The following EFHC1 variants were observed in gnomAD, a reference collection of about 807,000 sequenced individuals.
EFHC1 encodes EF-hand domain containing 1.
EFHC1 carries 53 observed loss-of-function variants against 69.9 expected under a neutral mutation model. That is an observed-to-expected ratio of 0.76 (90% CI 0.61 to 0.95). The LOEUF is 0.95. Among genes scored for constraint, EFHC1 ranks in the 40% least tolerant of loss-of-function variants. The probability of loss-of-function intolerance (pLI) is 0.00; values close to 1 mark genes in which losing one functional copy is unlikely to be tolerated. For missense variants in EFHC1, 739 were observed against 798.7 expected, an observed-to-expected ratio of 0.93 and a Z score of 0.90; for synonymous variants, 256 against 278.4, an observed-to-expected ratio of 0.92 and a Z score of 0.80.
intron 2 of EFHC1, among the ~76,000 whole-genome samples, chr6:52,435,864 G>C (rs954583838): frequency 3.9e-5 from 6 of 152,310 alleles, no homozygotes; most frequent in African/African-American, 1.2e-4. Context: ...AGTCCACACA[G>C]ATTCCTTCTT....
intron 9 of EFHC1, 146 bp downstream of exon 9, chr6:52,479,933 C>A: frequency 8.0e-7 from 1 of 1,254,374 alleles, no homozygotes; most frequent in Non-Finnish European, 1.1e-6. Flanking sequence ...TTCCCTGTGT[C>A]AATGTAATAG....
intron 9 of EFHC1, chr6:52,486,992 T>C (rs915876627): frequency 2.6e-5 from 4 of 152,258 alleles, no homozygotes; most frequent in Admixed American, 2.6e-4. Context: ...GAGCTCATAA[T>C]CTAGAGCAAG....
chr6:52,479,458 G>A (rs1462643531), intron 8 of EFHC1, among the ~76,000 whole-genome samples, 182 bp from the exon 9 acceptor site: 3 of 152,142 alleles, frequency 2.0e-5, no homozygotes, highest in Admixed American at 1.3e-4. Flanking sequence ...TACAGATGTC[G>A]ACAATAAGTT....
chr6:52,454,151 G>A lies in EFHC1; in HGVS notation c.780G>A (p.Arg260=). Residue 260 remains arginine, a synonymous_variant, in exon 5 of 11, where the codon CGG becomes CGA. Coordinates refer to ENST00000371068, the MANE Select transcript of EFHC1 (RefSeq NM_018100.4). ...CAGACAGCATGTATGGTGAATGTCG[G>A]ACCTACATCATTCATTACTATCTTA... The part of the protein sequence containing the change: ...DDTDSMYGEC[R]TYIIHYYLMD... 6.2e-7 allele frequency: 1 copy of A among 1,614,020 alleles called. No homozygotes were observed. Among genetic ancestry groups the A allele is most frequent in the Non-Finnish European group, 8.5e-7 (1 of 1,179,988 alleles).
intron 2 of EFHC1, among the ~76,000 whole-genome samples, chr6:52,427,662 A>G (rs949340019): frequency 8.6e-5 from 13 of 151,424 alleles, no homozygotes; most frequent in Non-Finnish European, 1.5e-4. Context: ...AAGGACTTAT[A>G]TAGTTTATTA....
Position 52,438,306 on chromosome 6 carries a change from A to G in EFHC1, c.288A>G (p.Val96=), listed in dbSNP as rs1029149593. 11 of 1,612,372 alleles carry G rather than the reference A, an allele frequency of 6.8e-6. No individual in the cohort carries two copies. Among genetic ancestry groups the G allele is most frequent in the Non-Finnish European group, 9.3e-6 (11 of 1,179,282 alleles). ...IPAHVAFDKK[V]LKFDAYFQED... is the part of the protein sequence containing the mutation. ...TCTCCTTTCCTTGTATGTTATAGGT[A>G]CTGAAATTTGATGCCTATTTCCAAG... The change falls in exon 3 of 11, where the codon GTA becomes GTG. Residue 96 remains valine (V), a splice_region_variant and synonymous_variant. Transcript: ENST00000371068.
intron 3 of EFHC1, among the ~76,000 whole-genome samples, chr6:52,438,868 C>T (rs987975080): frequency 3.3e-5 from 5 of 152,116 alleles, no homozygotes; most frequent in African/African-American, 1.2e-4. Context: ...AATGGCAGTT[C>T]AAACAGGGAG....
chr6:52,455,514 C>T (rs1014182084), intron 5 of EFHC1, among the ~76,000 whole-genome samples: 9 of 151,898 alleles, frequency 5.9e-5, no homozygotes, highest in Admixed American at 3.9e-4. Context: ...ATTAGCTGGG[C>T]GTGGTGGCGT....
At chr6:52,466,935 A>G (rs1481184459) in intron 6 of EFHC1, among the ~76,000 whole-genome samples, 1 of 152,186 alleles carries the variant, frequency 6.6e-6, no homozygotes, top group Non-Finnish European at 1.5e-5. Context: ...GAACAATGAT[A>G]AACCCTCTCC....
chr6:52,453,201 G>T (rs1241565153), intron 4 of EFHC1: 2 of 1,304,784 alleles, frequency 1.5e-6, no homozygotes, highest in Middle Eastern at 3.1e-4. Flanking sequence ...ACCATAAATC[G>T]ATTATTAGGA....
chr6:52,476,320 A>G (rs1024722723), intron 7 of EFHC1, among the ~76,000 whole-genome samples: 2 of 152,250 alleles, frequency 1.3e-5, no homozygotes, highest in African/African-American at 4.8e-5. Flanking sequence ...TCCATACAGT[A>G]GAATTTCAGT....
At chr6:52,460,637 C>A (rs1765144614) in intron 5 of EFHC1, among the ~76,000 whole-genome samples, 1 of 152,042 alleles carries the variant, frequency 6.6e-6, no homozygotes, top group Admixed American at 6.6e-5. Flanking sequence ...AAAAAGGTAA[C>A]CCATACCAGA....
intron 5 of EFHC1, among the ~76,000 whole-genome samples, chr6:52,454,548 G>T (rs1012178810): frequency 2.6e-5 from 4 of 152,166 alleles, no homozygotes; most frequent in African/African-American, 9.6e-5. Context: ...AGCAGAGCAA[G>T]GTTTCTGAAC....
chr6:52,465,847 A>T (rs911597023), intron 6 of EFHC1, among the ~76,000 whole-genome samples: 1 of 148,236 alleles, frequency 6.7e-6, no homozygotes, highest in Non-Finnish European at 1.5e-5. Flanking sequence ...TATATAATAT[A>T]TATAATATCT....
chr6:52,450,702 C>A (rs765922509), intron 3 of EFHC1, among the ~76,000 whole-genome samples: 1 of 152,018 alleles, frequency 6.6e-6, no homozygotes, highest in Non-Finnish European at 1.5e-5. Flanking sequence ...GGTGTCATTG[C>A]GTGTGAGATA....
intron 8 of EFHC1, 30 bp downstream of exon 8, chr6:52,479,280 A>G (rs1214234416): frequency 5.6e-6 from 9 of 1,609,786 alleles, no homozygotes; most frequent in African/African-American, 4.0e-5. Flanking sequence ...AGAATTTCCT[A>G]CTGGCTGCCT....
At position 52,467,351 on chromosome 6, in the gene EFHC1, T is replaced by C. The variant is rs559645726; in HGVS notation, c.1138-1982T>C. On this transcript the variant is annotated intron_variant, in intron 6 of 10. Transcript: ENST00000371068. The stretch of plus-strand genomic sequence containing the variant: ...TCGTGCCACCACACCCAGCTAATTT[T>C]TGTATTTTTAGTACAGACGGGGTTT... 6.0e-5 allele frequency among the ~76,000 whole-genome samples: 9 copies of C among 149,922 alleles called. No homozygotes were observed. The South Asian group carries it at 2.0e-3, about 33-fold the overall frequency.
chr6:52,467,600 C>T (rs968002450), intron 6 of EFHC1, among the ~76,000 whole-genome samples: 2 of 152,076 alleles, frequency 1.3e-5, no homozygotes, highest in African/African-American at 2.4e-5. Flanking sequence ...GAGAGGGAAG[C>T]CCTGGATAAA....
chr6:52,420,952 C>A (rs1207296333), intron 1 of EFHC1: 2 of 991,930 alleles, frequency 2.0e-6, no homozygotes, highest in Non-Finnish European at 2.5e-6. Flanking sequence ...CCCACAGGTC[C>A]GTCATTCCCG....
Sources: gnomAD v4.1 joint callset for allele counts (sites outside exome capture counted in the v4.1 genomes callset) on GRCh38, gnomAD v4.1.1 for gene constraint, MANE v1.5 for transcripts, NCBI Gene and HGNC (gene_info 2026-07-23, HGNC 2026-07-21) for gene names.